PYHIN1: variants seen among roughly 807,000 people sequenced by gnomAD.
The protein encoded by PYHIN1 is pyrin and HIN domain-containing protein 1.
A neutral mutation model predicts 43.7 loss-of-function variants in PYHIN1; 32 were observed. The ratio of observed to expected loss-of-function variants is 0.73; its 90% confidence interval spans 0.55 to 0.98. The LOEUF is 0.98. PYHIN1 is among the 50% of genes least tolerant of loss of function. The pLI, the probability that PYHIN1 is intolerant of heterozygous loss-of-function variation, is 0.00. For missense variants in PYHIN1, 588 were observed against 589.5 expected (o/e 1.00, Z 0.03); for synonymous variants, 205 against 203.1 (o/e 1.01, Z -0.08).
intron 7 of PYHIN1, among the ~76,000 whole-genome samples, chr1:158,945,560 A>G (rs1432414132): frequency 1.3e-5 from 2 of 152,212 alleles, no homozygotes; most frequent in Non-Finnish European, 1.5e-5. Context: ...CAAGTCCTCA[A>G]TGATACAAGA....
the PYHIN1 span, among the ~76,000 whole-genome samples, chr1:158,988,146 A>G: frequency 6.6e-6 from 1 of 152,056 alleles, no homozygotes; most frequent in South Asian, 2.1e-4. Flanking sequence ...GAAACCATAA[A>G]CTTCTGTTGT....
At chr1:158,973,973 A>G (rs890445262) in intron 8 of PYHIN1, among the ~76,000 whole-genome samples, 2 of 152,068 alleles carry the variant, frequency 1.3e-5, no homozygotes, top group African/African-American at 4.8e-5. Flanking sequence ...CATTCATGAA[A>G]TCATTTCTGT....
In PYHIN1 at chr1:158,943,811, A is replaced by G. The variant is rs1649063503; in HGVS notation, c.1024A>G (p.Thr342Ala). The G allele has an allele frequency of 6.2e-7, 1 of 1,601,916 alleles. No individual in the cohort carries two copies. Among genetic ancestry groups the G allele is most frequent in the Non-Finnish European group, 8.5e-7 (1 of 1,173,356 alleles). Residue 342 changes from threonine (T) to alanine (A), a missense_variant, in exon 6 of 9, where the codon ACA (threonine) becomes GCA (alanine). By Grantham distance (58) the Thr-to-Ala change is moderately conservative. Coordinates refer to ENST00000368140, the MANE Select transcript of PYHIN1 (RefSeq NM_152501.5). ...LHTKIVNRKT[T>A]IYEIQDKTGS... Reference sequence around the variant, plus strand: ...GCAGAAAATTGTAAATAGGAAGACGACAATCTATGAAATTCAGGATAAAAC... The same window carrying G: ...GCAGAAAATTGTAAATAGGAAGACGGCAATCTATGAAATTCAGGATAAAAC...
intron 7 of PYHIN1, among the ~76,000 whole-genome samples, chr1:158,961,776 C>T (rs1369364138): frequency 6.6e-6 from 1 of 152,112 alleles, no homozygotes; most frequent in Non-Finnish European, 1.5e-5. Flanking sequence ...GGCAGAGCCA[C>T]CACTCAGGCA....
At chr1:158,989,650 C>T in the PYHIN1 span, among the ~76,000 whole-genome samples, 3 of 152,144 alleles carry the variant, frequency 2.0e-5, no homozygotes, top group African/African-American at 7.2e-5. Context: ...CCACCAAAAG[C>T]TAGGGAAGAT....
At chr1:158,986,130 C>G in the PYHIN1 span, among the ~76,000 whole-genome samples, 1 of 152,140 alleles carries the variant, frequency 6.6e-6, no homozygotes, top group Non-Finnish European at 1.5e-5. Flanking sequence ...TCATTGCCAT[C>G]TAGACTTTGC....
At chr1:158,958,309 A>G (rs569462972) in intron 7 of PYHIN1, among the ~76,000 whole-genome samples, 12 of 147,324 alleles carry the variant, frequency 8.1e-5, no homozygotes, top group African/African-American at 2.7e-4. Context: ...ATGCACACGT[A>G]TGTTTATTGC....
In PYHIN1 at chr1:158,942,333, G is replaced by A. The variant is rs549850036; in HGVS notation, c.936G>A (p.Pro312=). 1.0e-4 allele frequency: 168 copies of A among 1,613,082 alleles called. 2 individuals carry two copies. The South Asian group carries it at 1.3e-3, about 13-fold the overall frequency. ...KDIIRRAKKI[P]KINILHKQTS... is the part of the protein sequence containing the mutation. Reference sequence around the variant, plus strand: ...TCATCAGAAGAGCAAAGAAAATTCCGAAGATCAATATTCTTCACAAACAAA... The same window carrying A: ...TCATCAGAAGAGCAAAGAAAATTCCAAAGATCAATATTCTTCACAAACAAA... The change falls in exon 5 of 9, where the codon CCG becomes CCA. Residue 312 remains proline, a synonymous_variant. Transcript: ENST00000368140.
chr1:158,957,500 G>A (rs968375927), intron 7 of PYHIN1, among the ~76,000 whole-genome samples: 1 of 151,366 alleles, frequency 6.6e-6, no homozygotes, highest in Admixed American at 6.6e-5. Flanking sequence ...AACAAGCAAT[G>A]GGGAAAGGAA....
chr1:158,939,840 A>G, intron 4 of PYHIN1: 1 of 319,120 alleles, frequency 3.1e-6, no homozygotes, highest in Non-Finnish European at 5.8e-6. Flanking sequence ...TAGTTCCAAG[A>G]TTAGGGCTAG....
At chr1:158,952,128 T>TC (rs1429414392) in intron 7 of PYHIN1, among the ~76,000 whole-genome samples, 1 of 134,178 alleles carries the variant, frequency 7.5e-6, no homozygotes, top group African/African-American at 2.6e-5. Context: ...TTTTTTTTTT[T>TC]CCTGTGCCGC....
chr1:158,955,538 T>G (rs985577378), intron 7 of PYHIN1, among the ~76,000 whole-genome samples: 5 of 151,536 alleles, frequency 3.3e-5, no homozygotes, highest in African/African-American at 1.2e-4. Context: ...GAAATAAAGA[T>G]GTTCTTTGAA....
chr1:158,949,930 A>T (rs190244184), intron 7 of PYHIN1, among the ~76,000 whole-genome samples: 1 of 152,190 alleles, frequency 6.6e-6, no homozygotes, highest in East Asian at 1.9e-4. Flanking sequence ...TGTAGCCACA[A>T]TTGGGTTTGG....
At chr1:158,955,399 T>A (rs1321413910) in intron 7 of PYHIN1, among the ~76,000 whole-genome samples, 3 of 149,812 alleles carry the variant, frequency 2.0e-5, no homozygotes, top group African/African-American at 7.3e-5. Context: ...TATAACAAAC[T>A]ATCTCTCAGA....
In PYHIN1 at chr1:158,943,679, G is replaced by A; in HGVS notation, c.1003-111G>A. ...GGCATATGTATTGTATGTCGATACA[G>A]TACTAGGAGTTGCTGTCTTGCATCT... On this transcript the variant is annotated intron_variant, in intron 5 of 8. Transcript: ENST00000368140. 3 of 683,742 alleles carry A rather than the reference G, an allele frequency of 4.4e-6. No homozygotes were observed. In the South Asian group the frequency reaches 6.2e-5, roughly 14 times the overall value. 42.4% of individuals were successfully genotyped at this position (683,742 alleles called of 1,614,324 possible). A position where few individuals can be genotyped will look rare whatever the true frequency, so the allele number is the denominator to read the frequency against.
the PYHIN1 span, among the ~76,000 whole-genome samples, chr1:158,982,626 CT>C: frequency 2.0e-5 from 3 of 152,014 alleles, no homozygotes; most frequent in Non-Finnish European, 4.4e-5. Flanking sequence ...TATTTGGGAT[CT>C]TTTTTGGGTT....
chr1:158,977,406 C>T (rs1651334786), downstream of PYHIN1, among the ~76,000 whole-genome samples: 1 of 152,066 alleles, frequency 6.6e-6, no homozygotes, highest in Admixed American at 6.6e-5. Context: ...AAGGCACTTG[C>T]CTATGTTAGA....
chr1:158,939,488 A>C, intron 4 of PYHIN1: 1 of 1,550,944 alleles, frequency 6.4e-7, no homozygotes, highest in Non-Finnish European at 8.7e-7. Context: ...GAACTGCGGA[A>C]TCTGGAACTT....
the PYHIN1 span, among the ~76,000 whole-genome samples, chr1:158,984,007 T>G: frequency 2.0e-5 from 3 of 149,026 alleles, no homozygotes; most frequent in Non-Finnish European, 4.4e-5. Context: ...TTTCTAATTG[T>G]ATTTATTTGG....
Sources: allele counts gnomAD v4.1 joint callset (sites outside exome capture counted in the v4.1 genomes callset), GRCh38; gene constraint gnomAD v4.1.1; transcripts MANE v1.5; gene names NCBI Gene and HGNC (gene_info 2026-07-23, HGNC 2026-07-21).